Variants in GRID2 observed in about 807,000 individuals in gnomAD.
GRID2 encodes the protein glutamate receptor ionotropic, delta-2.
A neutral mutation model predicts 114.8 loss-of-function variants in GRID2; 33 were observed. The observed-to-expected ratio is 0.29, with a 90% CI of 0.22 to 0.38. The LOEUF (loss-of-function observed/expected upper bound fraction) is 0.38, where lower values mean the gene tolerates loss of function less well. GRID2 is among the 10% of genes least tolerant of loss of function. GRID2 has a pLI of 1.00. For synonymous variants in GRID2, 505 were observed against 449.9 expected (o/e 1.12, Z -1.55); for missense variants, 1,184 against 1,257.7 (o/e 0.94, Z 0.89).
intron 2 of GRID2, among the ~76,000 whole-genome samples, chr4:92,673,601 C>G (rs1193926787): frequency 1.3e-5 from 2 of 152,082 alleles, no homozygotes; most frequent in Non-Finnish European, 2.9e-5. Flanking sequence ...TTTATTTTCA[C>G]TGATTTTTTT....
At chr4:93,562,592 C>G (rs1258791185) in intron 13 of GRID2, among the ~76,000 whole-genome samples, 1 of 152,018 alleles carries the variant, frequency 6.6e-6, no homozygotes, top group Non-Finnish European at 1.5e-5. Context: ...GGTAGCATAT[C>G]TAAAAAGTCA....
At chr4:92,463,039 A>G (rs959145366) in intron 1 of GRID2, among the ~76,000 whole-genome samples, 6 of 152,000 alleles carry the variant, frequency 3.9e-5, no homozygotes, top group African/African-American at 1.2e-4. Flanking sequence ...AATATATAAA[A>G]ACAGCTTGAA....
chr4:92,542,311 A>G (rs900485243), intron 1 of GRID2, among the ~76,000 whole-genome samples: 7 of 152,118 alleles, frequency 4.6e-5, no homozygotes, highest in African/African-American at 1.7e-4. Flanking sequence ...AGAAAAAAAA[A>G]GATTATGAAT....
chr4:92,991,607 G>A (rs969386974), intron 2 of GRID2, among the ~76,000 whole-genome samples: 8 of 152,268 alleles, frequency 5.3e-5, no homozygotes, highest in African/African-American at 1.9e-4. Flanking sequence ...GTATAGGATA[G>A]GCAACAATTA....
At chr4:93,328,639 G>A (rs1389053986) in intron 8 of GRID2, among the ~76,000 whole-genome samples, 1 of 151,760 alleles carries the variant, frequency 6.6e-6, no homozygotes, top group Non-Finnish European at 1.5e-5. Context: ...CAAAGTTTTG[G>A]TTTTATTTTA....
chr4:92,491,673 T>G (rs1239632674), intron 1 of GRID2, among the ~76,000 whole-genome samples: 1 of 152,022 alleles, frequency 6.6e-6, no homozygotes, highest in African/African-American at 2.4e-5. Flanking sequence ...AATAAATAGC[T>G]GTTTCCTTAT....
chr4:92,788,539 G>A (rs1198279890), intron 2 of GRID2, among the ~76,000 whole-genome samples: 1 of 151,742 alleles, frequency 6.6e-6, no homozygotes, highest in Non-Finnish European at 1.5e-5. Flanking sequence ...GTTTTTCAGT[G>A]GTTCACATTC....
chr4:93,778,372 T>C (rs1656456336), downstream of GRID2, among the ~76,000 whole-genome samples: 1 of 151,270 alleles, frequency 6.6e-6, no homozygotes, highest in African/African-American at 2.4e-5. Flanking sequence ...AAGTTCCATA[T>C]GTTCAGCTTA....
intron 1 of GRID2, among the ~76,000 whole-genome samples, chr4:93,802,744 C>T (rs543480027): frequency 6.6e-5 from 10 of 152,222 alleles, no homozygotes; most frequent in African/African-American, 9.6e-5. Flanking sequence ...TAGTCAACAT[C>T]TCTGCAACAA....
chr4:93,539,272 T>G (rs1732412756), intron 13 of GRID2, among the ~76,000 whole-genome samples: 1 of 152,012 alleles, frequency 6.6e-6, no homozygotes, highest in Non-Finnish European at 1.5e-5. Context: ...ATATTTCTAT[T>G]CACAGCTGAC....
At chr4:92,657,324 C>G (rs990366267) in intron 2 of GRID2, among the ~76,000 whole-genome samples, 1 of 151,474 alleles carries the variant, frequency 6.6e-6, no homozygotes, top group Admixed American at 6.6e-5. Flanking sequence ...TATTTGTCAG[C>G]CTCTACACTT....
intron 8 of GRID2, among the ~76,000 whole-genome samples, chr4:93,393,281 C>T (rs1367850497): frequency 6.6e-6 from 1 of 151,764 alleles, no homozygotes; most frequent in Non-Finnish European, 1.5e-5. Context: ...ATCCTAAAAT[C>T]CAGACTGCTG....
In GRID2 at chr4:92,659,900, G is replaced by A. The variant is rs192831585; in HGVS notation, c.244+69614G>A. On this transcript the variant is annotated intron_variant, in intron 2 of 15. Coordinates refer to ENST00000282020, the MANE Select transcript of GRID2 (RefSeq NM_001510.4). ...TCTTTAGTTAGTACATTCTTTCCTC[G>A]GATAACGTGCAATAAAATCTGTTAG... Among the ~76,000 whole-genome samples the A allele has an allele frequency of 1.2e-4, 18 of 151,420 alleles. No homozygotes were observed. The East Asian group carries it at 2.7e-3, about 23-fold the overall frequency.
At chr4:93,498,729 G>T (rs568950283) in intron 12 of GRID2, among the ~76,000 whole-genome samples, 72 of 151,814 alleles carry the variant, frequency 4.7e-4, no homozygotes, top group African/African-American at 1.6e-3. Context: ...AAGTCAGGTG[G>T]TTGTATCATT....
chr4:93,664,459 G>A (rs1381063507), intron 14 of GRID2, among the ~76,000 whole-genome samples: 1 of 152,238 alleles, frequency 6.6e-6, no homozygotes, highest in Non-Finnish European at 1.5e-5. Flanking sequence ...TGGACCATAA[G>A]GGCAGCAATG....
intron 2 of GRID2, among the ~76,000 whole-genome samples, chr4:92,687,789 A>G (rs914909009): frequency 1.3e-5 from 2 of 151,982 alleles, no homozygotes; most frequent in African/African-American, 4.8e-5. Flanking sequence ...AGATTGCACC[A>G]CTGCACTCCA....
chr4:93,587,962 A>G (rs1382170892), intron 13 of GRID2, among the ~76,000 whole-genome samples: 1 of 152,146 alleles, frequency 6.6e-6, no homozygotes, highest in South Asian at 2.1e-4. Flanking sequence ...CCCAGGGATG[A>G]TCCAAGAATC....
chr4:92,995,410 A>G (rs1755140832), intron 2 of GRID2, among the ~76,000 whole-genome samples: 1 of 152,184 alleles, frequency 6.6e-6, no homozygotes, highest in Admixed American at 6.6e-5. Flanking sequence ...TAGATGCTTT[A>G]TATATTCTCT....
At chr4:93,076,397 A>T (rs944539479) in intron 2 of GRID2, among the ~76,000 whole-genome samples, 1 of 152,104 alleles carries the variant, frequency 6.6e-6, no homozygotes, top group Non-Finnish European at 1.5e-5. Flanking sequence ...GTATGATGAC[A>T]TTGGAAGTTT....
Sources: gnomAD v4.1 joint callset for allele counts (sites outside exome capture counted in the v4.1 genomes callset) on GRCh38, gnomAD v4.1.1 for gene constraint, MANE v1.5 for transcripts, NCBI Gene and HGNC (gene_info 2026-07-23, HGNC 2026-07-21) for gene names.